EXOC4: variants seen among roughly 807,000 people sequenced by gnomAD.
EXOC4 encodes exocyst complex component 4.
A neutral mutation model predicts 107.2 loss-of-function variants in EXOC4; 71 were observed. The ratio of observed to expected loss-of-function variants is 0.66; its 90% CI spans 0.55 to 0.81. The LOEUF is 0.81. EXOC4 is among the 30% of genes least tolerant of loss of function. EXOC4 has a pLI of 0.00. For synonymous variants in EXOC4, 456 were observed against 441.2 expected, an observed-to-expected ratio of 1.03 and a Z score of -0.42; for missense variants, 1,108 against 1,189.6, an observed-to-expected ratio of 0.93 and a Z score of 1.01.
At chr7:133,844,943 A>G (rs1295151518) in intron 11 of EXOC4, among the ~76,000 whole-genome samples, 1 of 152,104 alleles carries the variant, frequency 6.6e-6, no homozygotes, top group Admixed American at 6.5e-5. Flanking sequence ...TTTATAGCAA[A>G]TTTCATTGTA....
At chr7:134,031,334 G>C (rs1365148381) in intron 17 of EXOC4, among the ~76,000 whole-genome samples, 1 of 152,220 alleles carries the variant, frequency 6.6e-6, no homozygotes, top group African/African-American at 2.4e-5. Context: ...GAGAGCAGTG[G>C]TAGGGAATAG....
At chr7:133,276,002 A>G (rs891123911) in intron 2 of EXOC4, among the ~76,000 whole-genome samples, 1 of 152,024 alleles carries the variant, frequency 6.6e-6, no homozygotes, top group Non-Finnish European at 1.5e-5. Flanking sequence ...TCATGCTTTA[A>G]TTGTGACTAA....
intron 10 of EXOC4, among the ~76,000 whole-genome samples, chr7:133,721,381 C>A (rs552993985): frequency 5.3e-5 from 8 of 151,968 alleles, no homozygotes; most frequent in Admixed American, 5.2e-4. Context: ...GTAATTGGAA[C>A]CATTAATAAG....
intron 9 of EXOC4, among the ~76,000 whole-genome samples, chr7:133,493,455 A>C (rs1331677376): frequency 6.6e-6 from 1 of 152,118 alleles, no homozygotes; most frequent in Non-Finnish European, 1.5e-5. Context: ...ACAAAACAAA[A>C]AACTGTGCCT....
intron 6 of EXOC4, among the ~76,000 whole-genome samples, chr7:133,361,760 C>T (rs751610638): frequency 1.3e-5 from 2 of 152,034 alleles, no homozygotes; most frequent in African/African-American, 4.8e-5. Context: ...ATAAAAGTAA[C>T]TTGTCATGAT....
chr7:133,475,788 G>A lies in EXOC4; in HGVS notation c.1328+315G>A, dbSNP rs182403024. On this transcript the variant is annotated intron_variant, in intron 8 of 17. Coordinates refer to ENST00000253861, the MANE Select transcript of EXOC4 (RefSeq NM_021807.4). ...AATTTTATATGAAATGAAAGGAAAT[G>A]AAATATATTAGCCTTGAAAAGGCCC... Among the ~76,000 whole-genome samples, 266 of 152,172 alleles carry A rather than the reference G, an allele frequency of 1.7e-3. 3 individuals carry two copies. The highest frequency in any genetic ancestry group is 2.7e-3 in the Non-Finnish European group (182 of 67,996).
intron 9 of EXOC4, among the ~76,000 whole-genome samples, chr7:133,484,538 T>TA (rs201078184): frequency 0.012 from 1,866 of 150,394 alleles, 39 homozygotes; most frequent in African/African-American, 0.042. Context: ...TGGTGAGGGT[T>TA]AAAAAAAAAC....
intron 1 of EXOC4, among the ~76,000 whole-genome samples, chr7:133,260,409 G>A (rs929804804): frequency 1.8e-4 from 27 of 151,912 alleles, no homozygotes; most frequent in African/African-American, 6.5e-4. Flanking sequence ...GAGTAGCTGG[G>A]ATTATAGGCG....
chr7:133,647,778 TC>T (rs1316083885), intron 10 of EXOC4, among the ~76,000 whole-genome samples: 1 of 152,028 alleles, frequency 6.6e-6, no homozygotes, highest in Non-Finnish European at 1.5e-5. Flanking sequence ...AAACAGATAA[TC>T]CAGTTTGACT....
At chr7:134,054,260 C>T (rs1795870868) in intron 17 of EXOC4, among the ~76,000 whole-genome samples, 1 of 152,146 alleles carries the variant, frequency 6.6e-6, no homozygotes, top group Admixed American at 6.6e-5. Context: ...AAGAAATGCT[C>T]TGGTTCCATG....
intron 7 of EXOC4, among the ~76,000 whole-genome samples, chr7:133,418,561 G>A (rs1175502808): frequency 2.6e-5 from 4 of 152,140 alleles, no homozygotes; most frequent in African/African-American, 7.2e-5. Context: ...TGATTCTCTT[G>A]GGGTAAGGGT....
In EXOC4 at chr7:133,902,704, A is replaced by T. The variant is rs1395949068; in HGVS notation, c.1871+6969A>T. Among the ~76,000 whole-genome samples, 6 of 151,982 alleles carry T rather than the reference A, an allele frequency of 3.9e-5. No homozygotes were observed. In the South Asian group the frequency reaches 6.3e-4, roughly 16 times the overall value. The stretch of plus-strand genomic sequence containing the variant: ...CCCGTCTCTACTAAAAACGCCAAAA[A>T]ATTAGCCAGGTGTGTTGGCAGGTGC... On this transcript the variant is annotated intron_variant, in intron 12 of 17. Coordinates refer to ENST00000253861, the MANE Select transcript of EXOC4 (RefSeq NM_021807.4).
At chr7:134,011,965 G>A (rs543538833) in intron 17 of EXOC4, among the ~76,000 whole-genome samples, 53 of 151,888 alleles carry the variant, frequency 3.5e-4, no homozygotes, top group Non-Finnish European at 7.1e-4. Flanking sequence ...AGCGTACCAG[G>A]AAAGAACGTC....
chr7:133,586,258 C>T (rs1472053950), intron 9 of EXOC4, among the ~76,000 whole-genome samples: 1 of 152,034 alleles, frequency 6.6e-6, no homozygotes, highest in Admixed American at 6.5e-5. Flanking sequence ...CTCAAGCAGG[C>T]CCTGGTGTCT....
intron 10 of EXOC4, among the ~76,000 whole-genome samples, chr7:133,741,782 A>G (rs34914859): frequency 6.6e-5 from 10 of 152,188 alleles, no homozygotes; most frequent in Non-Finnish European, 1.5e-4. Flanking sequence ...ATTATGGATG[A>G]GTATCTATGA....
intron 10 of EXOC4, among the ~76,000 whole-genome samples, chr7:133,702,004 T>C (rs1442291433): frequency 1.4e-5 from 2 of 139,648 alleles, no homozygotes; most frequent in Non-Finnish European, 1.6e-5. Context: ...TTTCTTTTTT[T>C]TTTTTTTTTT....
At chr7:134,067,136 C>T (rs370867642), downstream of EXOC4, among the ~76,000 whole-genome samples, 229 of 132,232 alleles carry the variant, frequency 1.7e-3, no homozygotes, top group Middle Eastern at 0.014. Flanking sequence ...GGCGACAGAG[C>T]GACACTCTGT....
rs1795886946 is a variant in EXOC4, at chr7:133,755,279, ATATT to A, written c.1515-62045_1515-62042del. On this transcript the variant is annotated intron_variant, in intron 10 of 17. Transcript: ENST00000253861. ...TATATATATATTATATATATTATAT[ATATT>A]ATATACATATTATATATATTATATA... 2.9e-5 allele frequency among the ~76,000 whole-genome samples: 3 copies of A among 103,854 alleles called. No homozygotes were observed. The South Asian group carries it at 8.1e-4, about 28-fold the overall frequency. The allele number at this position is 103,854 out of a possible 152,430, so 68.1% of individuals were successfully genotyped here.
At chr7:133,807,105 T>G (rs752471390) in intron 10 of EXOC4, among the ~76,000 whole-genome samples, 1 of 152,138 alleles carries the variant, frequency 6.6e-6, no homozygotes, top group African/African-American at 2.4e-5. Context: ...TATACGCAGG[T>G]TCTGCAGGGC....
Sources: allele counts gnomAD v4.1 joint callset (sites outside exome capture counted in the v4.1 genomes callset), GRCh38; gene constraint gnomAD v4.1.1; transcripts MANE v1.5; gene names NCBI Gene and HGNC (gene_info 2026-07-23, HGNC 2026-07-21).